KIAA1217: variants seen among roughly 807,000 people sequenced by gnomAD.
KIAA1217 encodes the protein KIAA1217.
KIAA1217 carries 88 observed loss-of-function variants against 163.9 expected under a neutral mutation model. That is an observed-to-expected ratio of 0.54 (90% CI 0.45 to 0.64). KIAA1217 has a LOEUF of 0.64. Ranked by LOEUF, KIAA1217 falls within the 30% of genes least tolerant of loss-of-function variation. KIAA1217 has a pLI of 0.00. For synonymous variants in KIAA1217, 903 were observed against 923.1 expected (o/e 0.98, Z 0.39); for missense variants, 2,372 against 2,475.0 (o/e 0.96, Z 0.88).
chr10:23,991,368 G>C (rs12569423), intron 1 of KIAA1217, among the ~76,000 whole-genome samples: 47,650 of 152,036 alleles, frequency 0.31, 7,913 homozygotes, highest in South Asian at 0.37. Flanking sequence ...TAAGCACTCA[G>C]ATATGCATAG....
chr10:24,318,686 C>A (rs1331738278), intron 2 of KIAA1217, among the ~76,000 whole-genome samples: 1 of 152,194 alleles, frequency 6.6e-6, no homozygotes, highest in Admixed American at 6.5e-5. Context: ...CTCCCCTGAC[C>A]TTGGAATCAG....
intron 3 of KIAA1217, among the ~76,000 whole-genome samples, chr10:24,432,213 G>C (rs2059659322): frequency 6.8e-6 from 1 of 147,292 alleles, no homozygotes; most frequent in Non-Finnish European, 1.5e-5. Flanking sequence ...AACCTCCCAG[G>C]TTCAAGCAAC....
In KIAA1217 at chr10:23,863,487, TTGCTCTTC is replaced by T. The variant is rs200495291; in HGVS notation, c.-320-143733_-320-143726del. Among the ~76,000 whole-genome samples, 346 of 152,280 alleles carry T rather than the reference TTGCTCTTC, an allele frequency of 2.3e-3. 2 individuals are homozygous for T. The East Asian group carries it at 0.027, about 12-fold the overall frequency. ...TAGGCTGGCTTGATCTTTTGCTCTT[TTGCTCTTC>T]TGCTATGTGAGGATACGGTTCATCG... On this transcript the variant is annotated intron_variant, in intron 1 of 18. Transcript: ENST00000376462.
At chr10:23,948,572 G>A (rs1844167264) in intron 1 of KIAA1217, among the ~76,000 whole-genome samples, 1 of 152,052 alleles carries the variant, frequency 6.6e-6, no homozygotes, top group Non-Finnish European at 1.5e-5. Flanking sequence ...GAAAAAAAGA[G>A]TTTCTGTATC....
chr10:23,793,831 T>C (rs1186439186), intron 1 of KIAA1217, among the ~76,000 whole-genome samples: 1 of 152,160 alleles, frequency 6.6e-6, no homozygotes, highest in Non-Finnish European at 1.5e-5. Context: ...CAGAGATAAG[T>C]TGGGCTTCTG....
chr10:23,823,465 A>G (rs1837722432), intron 1 of KIAA1217, among the ~76,000 whole-genome samples: 1 of 152,174 alleles, frequency 6.6e-6, no homozygotes, highest in Admixed American at 6.5e-5. Context: ...GATGGCAGAG[A>G]AAGGTCTCCA....
chr10:23,901,752 C>T (rs1470343283), intron 1 of KIAA1217, among the ~76,000 whole-genome samples: 1 of 151,356 alleles, frequency 6.6e-6, no homozygotes, highest in Non-Finnish European at 1.5e-5. Context: ...ACTAAAAATA[C>T]AAAAGAAAAT....
chr10:24,513,786 TA>T (rs10711541), intron 10 of KIAA1217, among the ~76,000 whole-genome samples: 42,367 of 140,586 alleles, frequency 0.3, 6,295 homozygotes, highest in African/African-American at 0.39. Flanking sequence ...TCCTGTCTCT[TA>T]AAAAAAAAAA....
At chr10:23,988,129 C>G (rs1846061318) in intron 1 of KIAA1217, among the ~76,000 whole-genome samples, 1 of 149,310 alleles carries the variant, frequency 6.7e-6, no homozygotes, top group Admixed American at 6.7e-5. Context: ...CCCTTGCCAT[C>G]TGTCGCAGGG....
At chr10:23,718,865 AAG>A (rs555582752) in intron 1 of KIAA1217, among the ~76,000 whole-genome samples, 88 of 142,916 alleles carry the variant, frequency 6.2e-4, no homozygotes, top group Non-Finnish European at 4.7e-4. Context: ...AGAGAGAGAG[AAG>A]AGAGAGAGAG....
At chr10:24,361,297 C>G (rs1302236910) in intron 2 of KIAA1217, among the ~76,000 whole-genome samples, 4 of 152,128 alleles carry the variant, frequency 2.6e-5, no homozygotes, top group Non-Finnish European at 5.9e-5. Flanking sequence ...AGGTAATCCT[C>G]CCACCTCAGC....
At chr10:24,035,435 A>G (rs1343869866) in intron 2 of KIAA1217, among the ~76,000 whole-genome samples, 1 of 152,156 alleles carries the variant, frequency 6.6e-6, no homozygotes, top group Non-Finnish European at 1.5e-5. Flanking sequence ...CACTGTCACC[A>G]AGATATTTGT....
At chr10:24,341,849 C>A (rs1486371141) in intron 2 of KIAA1217, among the ~76,000 whole-genome samples, 1 of 151,686 alleles carries the variant, frequency 6.6e-6, no homozygotes, top group East Asian at 1.9e-4. Context: ...CTTTCAGCTT[C>A]CAAATTCTGG....
intron 1 of KIAA1217, among the ~76,000 whole-genome samples, chr10:23,925,281 T>C (rs1165855376): frequency 6.6e-6 from 1 of 152,142 alleles, no homozygotes; most frequent in African/African-American, 2.4e-5. Flanking sequence ...TCAGCATACA[T>C]AGGCATGCCC....
intron 1 of KIAA1217, among the ~76,000 whole-genome samples, chr10:23,706,852 G>A (rs1462061585): frequency 6.6e-6 from 1 of 152,098 alleles, no homozygotes; most frequent in Non-Finnish European, 1.5e-5. Context: ...GGCTGATAGT[G>A]AGTTCCAGTC....
At chr10:24,279,227 T>C (rs1199789698) in intron 2 of KIAA1217, among the ~76,000 whole-genome samples, 3 of 151,312 alleles carry the variant, frequency 2.0e-5, no homozygotes, top group African/African-American at 7.3e-5. Flanking sequence ...TCTTTGCATT[T>C]CTAGTGTCTG....
chr10:24,228,497 T>TAC (rs1268969038), intron 2 of KIAA1217, among the ~76,000 whole-genome samples: 1 of 152,164 alleles, frequency 6.6e-6, no homozygotes. Flanking sequence ...TTTTATTTCT[T>TAC]ACACACACAA....
chr10:24,404,683 A>C (rs1310096378), intron 3 of KIAA1217, among the ~76,000 whole-genome samples: 1 of 151,916 alleles, frequency 6.6e-6, no homozygotes, highest in Non-Finnish European at 1.5e-5. Flanking sequence ...AGAAACTTGT[A>C]CATGAATATT....
chr10:23,956,715 C>A (rs1274157752), intron 1 of KIAA1217, among the ~76,000 whole-genome samples: 1 of 152,066 alleles, frequency 6.6e-6, no homozygotes, highest in Non-Finnish European at 1.5e-5. Flanking sequence ...CAGGAAGATT[C>A]CAGCCATGGC....
Sources: gnomAD v4.1 joint callset for allele counts (sites outside exome capture counted in the v4.1 genomes callset) on GRCh38, gnomAD v4.1.1 for gene constraint, MANE v1.5 for transcripts, NCBI Gene and HGNC (gene_info 2026-07-23, HGNC 2026-07-21) for gene names.